The following DIAPH3 variants were observed in gnomAD, a reference collection of about 807,000 sequenced individuals.
DIAPH3 encodes diaphanous related formin 3, also known as protein diaphanous homolog 3.
A neutral mutation model predicts 144.3 loss-of-function variants in DIAPH3; 117 were observed. That is an observed-to-expected ratio of 0.81 (90% confidence interval 0.70 to 0.95). DIAPH3 has a LOEUF of 0.95. Ranked by LOEUF, DIAPH3 falls within the 40% of genes least tolerant of loss-of-function variation. The probability of loss-of-function intolerance (pLI) is 0.00; values close to 1 mark genes in which losing one functional copy is unlikely to be tolerated. For missense variants in DIAPH3, 1,421 were observed against 1,412.7 expected, an observed-to-expected ratio of 1.01 and a Z score of -0.09; for synonymous variants, 519 against 488.9, an observed-to-expected ratio of 1.06 and a Z score of -0.81.
At chr13:60,127,401 A>AT (rs1310733591) in intron 2 of DIAPH3, among the ~76,000 whole-genome samples, 2 of 152,154 alleles carry the variant, frequency 1.3e-5, no homozygotes, top group Admixed American at 6.5e-5. Flanking sequence ...AAATAAGCAC[A>AT]TAAAAAAAAG....
In DIAPH3 at chr13:59,741,409, G is replaced by A. The variant is rs866738131; in HGVS notation, c.3319+32780C>T. On this transcript the variant is annotated intron_variant, in intron 27 of 27. Coordinates refer to ENST00000400324, the MANE Select transcript of DIAPH3 (RefSeq NM_001042517.2). ...CCTAATGAAAGTATTACAGATTTACGTGTATCTCAGAGAGACAAAAACAGA... is the reference window on the plus strand; with the variant it reads ...CCTAATGAAAGTATTACAGATTTACATGTATCTCAGAGAGACAAAAACAGA... Among the ~76,000 whole-genome samples the A allele has an allele frequency of 3.9e-5, 6 of 152,070 alleles. No individual in the cohort carries two copies. In the South Asian group the frequency reaches 8.3e-4, roughly 21 times the overall value.
intron 3 of DIAPH3, among the ~76,000 whole-genome samples, chr13:60,103,847 C>T (rs921939650): frequency 6.6e-6 from 1 of 152,140 alleles, no homozygotes; most frequent in African/African-American, 2.4e-5. Flanking sequence ...CAGAGTTCTG[C>T]TAAAAGTGTA....
intron 21 of DIAPH3, among the ~76,000 whole-genome samples, chr13:59,876,672 G>A (rs1233014669): frequency 1.3e-5 from 2 of 152,128 alleles, no homozygotes; most frequent in Non-Finnish European, 2.9e-5. Flanking sequence ...ATCACACCTA[G>A]TCTCCCTGTC....
chr13:59,672,176 G>A (rs966428722), intron 27 of DIAPH3, among the ~76,000 whole-genome samples: 3 of 152,180 alleles, frequency 2.0e-5, no homozygotes, highest in African/African-American at 7.2e-5. Flanking sequence ...GACGGCCCTT[G>A]GGGAAGACTT....
chr13:59,708,267 A>G (rs946535753), intron 27 of DIAPH3, among the ~76,000 whole-genome samples: 1 of 151,834 alleles, frequency 6.6e-6, no homozygotes, highest in African/African-American at 2.4e-5. Flanking sequence ...GTCTCACTAT[A>G]TTGCCCAGGC....
intron 25 of DIAPH3, among the ~76,000 whole-genome samples, chr13:59,806,861 A>G (rs1218754960): frequency 6.6e-6 from 1 of 151,870 alleles, no homozygotes; most frequent in Non-Finnish European, 1.5e-5. Context: ...TTTGTCAAAT[A>G]TCATATGCAT....
At chr13:59,877,543 T>A (rs1037076767) in intron 21 of DIAPH3, among the ~76,000 whole-genome samples, 4 of 152,180 alleles carry the variant, frequency 2.6e-5, no homozygotes, top group Admixed American at 6.6e-5. Context: ...TTTTTAATTT[T>A]ATTTAAATTT....
intron 23 of DIAPH3, among the ~76,000 whole-genome samples, chr13:59,835,580 C>T (rs2042005447): frequency 6.6e-6 from 1 of 151,442 alleles, no homozygotes; most frequent in Non-Finnish European, 1.5e-5. Flanking sequence ...ACATTTAATG[C>T]TAGTTTTAAA....
chr13:60,111,951 A>T (rs764875306), intron 3 of DIAPH3, 59 bp downstream of exon 3: 65 of 1,581,094 alleles, frequency 4.1e-5, no homozygotes, highest in Middle Eastern at 1.9e-4. Context: ...AGTTCCATTA[A>T]CATGAGCAAA....
rs189892446 is a variant in DIAPH3 at position 59,897,704 on chromosome 13, C to T, written c.2367+14031G>A. Among the ~76,000 whole-genome samples, 164 of 150,278 alleles carry T rather than the reference C, an allele frequency of 1.1e-3. 1 individual carries two copies. The highest frequency in any genetic ancestry group is 1.9e-3 in the Non-Finnish European group (132 of 67,734). Reference sequence around the variant, plus strand: ...CGGAGGTTACAGTGAGCCAAGATCACGCCATTGCACTCCAGCCTGGGCAAC... The same window carrying T: ...CGGAGGTTACAGTGAGCCAAGATCATGCCATTGCACTCCAGCCTGGGCAAC... On this transcript the variant is annotated intron_variant, in intron 20 of 27. Coordinates refer to ENST00000400324, the MANE Select transcript of DIAPH3 (RefSeq NM_001042517.2).
chr13:59,802,667 A>ATTATTATTATT (rs1433627853), intron 25 of DIAPH3, among the ~76,000 whole-genome samples: 4 of 23,764 alleles, frequency 1.7e-4, no homozygotes, highest in African/African-American at 6.0e-4. Context: ...TATTATTATT[A>ATTATTATTATT]TTTTTTTTTT....
chr13:60,157,240 C>T (rs1594800914), intron 1 of DIAPH3, among the ~76,000 whole-genome samples: 2 of 152,030 alleles, frequency 1.3e-5, no homozygotes, highest in Admixed American at 1.3e-4. Flanking sequence ...CCACCGTACC[C>T]AACCCCTTCC....
chr13:60,058,246 T>G (rs2056630414), intron 4 of DIAPH3, among the ~76,000 whole-genome samples: 1 of 150,390 alleles, frequency 6.6e-6, no homozygotes. Flanking sequence ...TAGACATTTC[T>G]GACACTTCTC....
chr13:59,779,116 C>G (rs2038587762), intron 25 of DIAPH3, among the ~76,000 whole-genome samples: 1 of 152,172 alleles, frequency 6.6e-6, no homozygotes, highest in Admixed American at 6.5e-5. Context: ...CCATCACTGT[C>G]CACCTGGAAC....
Position 59,989,416 on chromosome 13 carries a change from C to A in DIAPH3, c.1361+1742G>T, listed in dbSNP as rs191690589. 1.7e-4 allele frequency among the ~76,000 whole-genome samples: 26 copies of A among 151,416 alleles called. No individual in the cohort carries two copies. In the East Asian group the frequency reaches 5.1e-3, roughly 29 times the overall value. ...AGAAATTTTTTTAAAGAAATATTAA[C>A]AACAACAATAATAAATAGGAGAGTT... On this transcript the variant is annotated intron_variant, in intron 12 of 27. Transcript: ENST00000400324.
At chr13:59,899,443 A>C (rs2046313469) in intron 20 of DIAPH3, among the ~76,000 whole-genome samples, 1 of 152,212 alleles carries the variant, frequency 6.6e-6, no homozygotes, top group South Asian at 2.1e-4. Context: ...AGAACAAGCC[A>C]TTTGAATAAC....
At position 59,833,179 on chromosome 13, in the gene DIAPH3, A is replaced by G. The variant is rs765571186; in HGVS notation, c.2955T>C (p.Tyr985=). The change falls in exon 24 of 28, where the codon TAT becomes TAC. Residue 985 remains tyrosine, a synonymous_variant. Transcript: ENST00000400324. Reference sequence around the variant, plus strand: ...CAGACACCTTCTTCACATCAATGGCATAGTATCCTATTATACTCTGGTATA... The same window carrying G: ...CAGACACCTTCTTCACATCAATGGCGTAGTATCCTATTATACTCTGGTATA... ...EKLYQSIIGY[Y]AIDVKKVSVE... 6.2e-7 allele frequency: 1 copy of G among 1,610,728 alleles called. No homozygotes were observed. Among genetic ancestry groups the G allele is most frequent in the Non-Finnish European group, 8.5e-7 (1 of 1,178,006 alleles).
intron 27 of DIAPH3, among the ~76,000 whole-genome samples, chr13:59,697,819 T>C (rs1000144914): frequency 6.6e-6 from 1 of 152,218 alleles, no homozygotes; most frequent in African/African-American, 2.4e-5. Flanking sequence ...TAAAAACAAC[T>C]TTAAATCATT....
chr13:59,667,418 G>A (rs2032085055), intron 27 of DIAPH3, among the ~76,000 whole-genome samples: 1 of 152,000 alleles, frequency 6.6e-6, no homozygotes. Context: ...AATATTTGTT[G>A]GATAAATAAA....
Sources: gnomAD v4.1 joint callset for allele counts (sites outside exome capture counted in the v4.1 genomes callset) on GRCh38, gnomAD v4.1.1 for gene constraint, MANE v1.5 for transcripts, NCBI Gene and HGNC (gene_info 2026-07-23, HGNC 2026-07-21) for gene names.